Variants in MEF2A observed in about 807,000 individuals in gnomAD.
MEF2A encodes the protein myocyte-specific enhancer factor 2A.
MEF2A carries 28 observed loss-of-function variants against 55.8 expected under a neutral mutation model. That is an observed-to-expected ratio of 0.50 (90% CI 0.37 to 0.69). MEF2A has a LOEUF of 0.69. Among genes scored for constraint, MEF2A ranks in the 30% least tolerant of loss-of-function variants. The pLI, the probability that MEF2A is intolerant of heterozygous loss-of-function variation, is 0.00. For synonymous variants in MEF2A, 239 were observed against 227.1 expected (o/e 1.05, Z -0.47); for missense variants, 528 against 626.2 (o/e 0.84, Z 1.67).
At chr15:99,588,114 G>GTGTTT (rs909413423) in intron 1 of MEF2A, among the ~76,000 whole-genome samples, 27 of 151,774 alleles carry the variant, frequency 1.8e-4, no homozygotes, top group African/African-American at 3.4e-4. Context: ...GTTTGCTGAG[G>GTGTTT]TGTTTTGTTT....
intron 2 of MEF2A, among the ~76,000 whole-genome samples, chr15:99,624,617 A>C (rs908437674): frequency 1.3e-5 from 2 of 152,102 alleles, no homozygotes; most frequent in African/African-American, 4.8e-5. Context: ...GAGTCCTTCA[A>C]CTTTGTTCTT....
intron 1 of MEF2A, among the ~76,000 whole-genome samples, chr15:99,596,025 GT>G (rs34844017): frequency 8.2e-4 from 122 of 149,682 alleles, no homozygotes; most frequent in African/African-American, 2.4e-3. Context: ...TTCTAGTTTA[GT>G]TTTTTTTTTT....
At chr15:99,683,441 C>G (rs1567433659) in intron 7 of MEF2A, among the ~76,000 whole-genome samples, 2 of 152,226 alleles carry the variant, frequency 1.3e-5, no homozygotes, top group Non-Finnish European at 2.9e-5. Flanking sequence ...GGATCTCACT[C>G]TGTTGCCCAG....
At chr15:99,567,688 T>G (rs958971595) in intron 1 of MEF2A, among the ~76,000 whole-genome samples, 3 of 151,390 alleles carry the variant, frequency 2.0e-5, no homozygotes, top group Non-Finnish European at 2.9e-5. Flanking sequence ...TCAGTCTCCA[T>G]TTCTTTTTCT....
rs1160691873 is a variant in MEF2A at position 99,602,729 on chromosome 15, TGG to T, written c.-143+4224_-143+4225del. Among the ~76,000 whole-genome samples, 12 of 18,798 alleles carry T rather than the reference TGG, an allele frequency of 6.4e-4. 2 individuals are homozygous for T. The highest frequency in any genetic ancestry group is 1.4e-3 in the East Asian group (1 of 720). 12.3% of individuals were successfully genotyped at this position (18,798 alleles called of 152,430 possible). On this transcript the variant is annotated intron_variant, in intron 2 of 11. Coordinates refer to ENST00000557942, the MANE Select transcript of MEF2A (RefSeq NM_001319206.4). ...GTGGGGAGCTTTTTGTGTGTGTGTG[TGG>T]GGGGGTGGGGGTGGGGAGCTTTTCG...
At chr15:99,615,304 T>C (rs966409694) in intron 2 of MEF2A, among the ~76,000 whole-genome samples, 3 of 152,232 alleles carry the variant, frequency 2.0e-5, no homozygotes, top group African/African-American at 7.2e-5. Context: ...CTGGTATTTG[T>C]CTTTTATGCA....
At chr15:99,584,281 A>C (rs973053723) in intron 1 of MEF2A, among the ~76,000 whole-genome samples, 1 of 152,182 alleles carries the variant, frequency 6.6e-6, no homozygotes, top group Non-Finnish European at 1.5e-5. Flanking sequence ...TAGATACCCC[A>C]AGGCAGTGAT....
intron 4 of MEF2A, among the ~76,000 whole-genome samples, chr15:99,649,340 G>C (rs1270717615): frequency 6.6e-6 from 1 of 152,032 alleles, no homozygotes; most frequent in Non-Finnish European, 1.5e-5. Flanking sequence ...CAATTTCTCT[G>C]AAATGAAGAA....
chr15:99,675,333 G>C, intron 6 of MEF2A, 66 bp from the exon 7 acceptor site: 1 of 1,340,086 alleles, frequency 7.5e-7, no homozygotes, highest in Non-Finnish European at 1.1e-6. Context: ...TTCACGTTCA[G>C]TTAGGTAAAG....
At chr15:99,688,223 G>T (rs2054681016) in intron 7 of MEF2A, among the ~76,000 whole-genome samples, 1 of 152,144 alleles carries the variant, frequency 6.6e-6, no homozygotes, top group African/African-American at 2.4e-5. Context: ...TCTGCTGTTG[G>T]ACTGCAAGCT....
chr15:99,642,487 T>C (rs1371753733), intron 3 of MEF2A, among the ~76,000 whole-genome samples: 1 of 152,196 alleles, frequency 6.6e-6, no homozygotes, highest in Admixed American at 6.5e-5. Context: ...TCTGTTTTGA[T>C]TCTTTGATTT....
At chr15:99,594,464 T>C (rs1490039865) in intron 1 of MEF2A, among the ~76,000 whole-genome samples, 65 of 62,918 alleles carry the variant, frequency 1.0e-3, no homozygotes, top group African/African-American at 1.7e-3. Context: ...TCTTTCTTTT[T>C]TTTTTTTTTT....
At chr15:99,623,711 C>G (rs1290394269) in intron 2 of MEF2A, among the ~76,000 whole-genome samples, 2 of 151,694 alleles carry the variant, frequency 1.3e-5, no homozygotes, top group Non-Finnish European at 2.9e-5. Flanking sequence ...AATGTCTATT[C>G]AAGTCCTTTG....
intron 7 of MEF2A, among the ~76,000 whole-genome samples, chr15:99,683,460 A>G: frequency 6.6e-6 from 1 of 152,162 alleles, no homozygotes; most frequent in Non-Finnish European, 1.5e-5. Context: ...AGGCTGGACT[A>G]CAGTGGCACG....
At chr15:99,669,710 A>T (rs1366588598) in intron 4 of MEF2A, among the ~76,000 whole-genome samples, 1 of 152,236 alleles carries the variant, frequency 6.6e-6, no homozygotes, top group Non-Finnish European at 1.5e-5. Context: ...AATAAAGTGA[A>T]TTTTAAAAAT....
intron 2 of MEF2A, among the ~76,000 whole-genome samples, chr15:99,601,807 TTGTGTGTGTGTG>T (rs56729766): frequency 0.025 from 3,431 of 138,874 alleles, 57 homozygotes; most frequent in Non-Finnish European, 0.037. Context: ...TTTGTCTGTT[TTGTGTGTGTGTG>T]TGTGTGTGTG....
At chr15:99,594,206 CAG>C (rs1387713297) in intron 1 of MEF2A, among the ~76,000 whole-genome samples, 1 of 152,192 alleles carries the variant, frequency 6.6e-6, no homozygotes, top group Non-Finnish European at 1.5e-5. Flanking sequence ...GGCTGTAAAT[CAG>C]GGGTTCTCAC....
intron 3 of MEF2A, among the ~76,000 whole-genome samples, chr15:99,639,021 C>G (rs1412587843): frequency 6.6e-6 from 1 of 152,094 alleles, no homozygotes; most frequent in Non-Finnish European, 1.5e-5. Context: ...AACCTAAAAG[C>G]AGACATCCTC....
At chr15:99,681,302 G>T (rs1294265972) in intron 7 of MEF2A, among the ~76,000 whole-genome samples, 1 of 152,198 alleles carries the variant, frequency 6.6e-6, no homozygotes, top group East Asian at 1.9e-4. Flanking sequence ...AGAGGTGAAA[G>T]ATATCATGAA....
Sources: gnomAD v4.1 joint callset for allele counts (sites outside exome capture counted in the v4.1 genomes callset) on GRCh38, gnomAD v4.1.1 for gene constraint, MANE v1.5 for transcripts, NCBI Gene and HGNC (gene_info 2026-07-23, HGNC 2026-07-21) for gene names.